Variants in CSF2RA observed in about 807,000 individuals in gnomAD.
CSF2RA encodes the protein granulocyte-macrophage colony-stimulating factor receptor subunit alpha.
Under a neutral mutation model 51.6 loss-of-function variants are expected in CSF2RA, and 42 were observed. That is an observed-to-expected ratio of 0.81 (90% CI 0.64 to 1.05). The LOEUF (loss-of-function observed/expected upper bound fraction) is 1.05. CSF2RA is among the 50% of genes least tolerant of loss of function. The pLI is 0.00. For synonymous variants in CSF2RA, 222 were observed against 193.0 expected (o/e 1.15, Z -1.24); for missense variants, 530 against 501.1 (o/e 1.06, Z -0.55).
At chrX:1,323,980 T>C in the CSF2RA span, among the ~76,000 whole-genome samples, 35 of 151,580 alleles carry the variant, frequency 2.3e-4, no homozygotes, top group Middle Eastern at 3.4e-3. Flanking sequence ...CCCCACTGCA[T>C]TCCAGCCTGG....
chrX:1,324,886 C>T, the CSF2RA span, among the ~76,000 whole-genome samples: 3 of 152,100 alleles, frequency 2.0e-5, no homozygotes, highest in South Asian at 4.1e-4. Flanking sequence ...AGTCTGACCT[C>T]CTTGTCAGAG....
At chrX:1,292,811 G>A (rs1382766903) in intron 7 of CSF2RA, among the ~76,000 whole-genome samples, 1 of 152,048 alleles carries the variant, frequency 6.6e-6, no homozygotes, top group South Asian at 2.1e-4. Flanking sequence ...TATCTCAACC[G>A]CGAGAGGACT....
At chrX:1,300,112 G>C (rs1233466652) in intron 9 of CSF2RA, 3 of 194,498 alleles carry the variant, frequency 1.5e-5, no homozygotes, top group Admixed American at 1.1e-4. Context: ...CCAACTACTG[G>C]GGAGGCTGAG....
the CSF2RA span, among the ~76,000 whole-genome samples, chrX:1,323,836 A>G: frequency 6.6e-6 from 1 of 151,736 alleles, no homozygotes; most frequent in Non-Finnish European, 1.5e-5. Flanking sequence ...AACACGGTGA[A>G]ACCCCGTCTC....
At chrX:1,269,636 A>G (rs2088092302) in intron 1 of CSF2RA, among the ~76,000 whole-genome samples, 2 of 42,152 alleles carry the variant, frequency 4.7e-5, no homozygotes. Flanking sequence ...AAAAAGAAAA[A>G]GAAAAAAAAA....
At chrX:1,279,365 T>TAA (rs1275948568) in intron 2 of CSF2RA, among the ~76,000 whole-genome samples, 10 of 143,868 alleles carry the variant, frequency 7.0e-5, no homozygotes, top group East Asian at 6.1e-4. Context: ...ATAATAATAA[T>TAA]TAATAATAAT....
intron 7 of CSF2RA, among the ~76,000 whole-genome samples, chrX:1,291,952 CAGA>C (rs1462933710): frequency 8.0e-6 from 1 of 124,598 alleles, no homozygotes; most frequent in Non-Finnish European, 1.8e-5. Flanking sequence ...CCAGTGTAGA[CAGA>C]AGGAGACCCT....
At chrX:1,305,296 A>G (rs2083446300) in intron 11 of CSF2RA, 150 bp from the exon 12 acceptor site, 1 of 892,040 alleles carries the variant, frequency 1.1e-6, no homozygotes, top group African/African-American at 1.7e-5. Flanking sequence ...CTAGTTCCTT[A>G]AGATTTTCGT....
chrX:1,280,847 T>TCTCCTCCTCCTCCTCCTC (rs1288485826), intron 2 of CSF2RA, among the ~76,000 whole-genome samples: 2 of 41,802 alleles, frequency 4.8e-5, no homozygotes, highest in East Asian at 1.5e-3. Context: ...TCCTCCTTCC[T>TCTCCTCCTCCTCCTCCTC]CTCCTTCTCC....
At chrX:1,286,580 A>T (rs1328600720) in intron 4 of CSF2RA, among the ~76,000 whole-genome samples, 3 of 152,246 alleles carry the variant, frequency 2.0e-5, no homozygotes, top group Non-Finnish European at 2.9e-5. Context: ...CAAAAAAAAA[A>T]AAAAATAATA....
the CSF2RA span, among the ~76,000 whole-genome samples, chrX:1,323,092 G>A: frequency 2.0e-5 from 3 of 150,132 alleles, no homozygotes; most frequent in East Asian, 2.0e-4. Context: ...TCGCGCCACC[G>A]CACTCCAGCC....
At chrX:1,323,158 T>TATAAAATAAAAAAATAAAATAAAATAAA in the CSF2RA span, among the ~76,000 whole-genome samples, 1 of 134,022 alleles carries the variant, frequency 7.5e-6, no homozygotes, top group East Asian at 2.1e-4. Context: ...ACATTACAAT[T>TATAAAATAAAAAAATAAAATAAAATAAA]ATAAAATAAA....
intron 9 of CSF2RA, 90 bp from the exon 10 acceptor site, chrX:1,300,401 A>G: frequency 1.3e-6 from 2 of 1,481,856 alleles, no homozygotes; most frequent in South Asian, 2.4e-5. Flanking sequence ...GAAAAGGAGA[A>G]AAAAACTTAA....
the CSF2RA span, among the ~76,000 whole-genome samples, chrX:1,321,766 A>G: frequency 1.3e-5 from 2 of 152,172 alleles, no homozygotes; most frequent in African/African-American, 4.8e-5. Flanking sequence ...CGTAGCTGAG[A>G]ACGTCCACAT....
the CSF2RA span, among the ~76,000 whole-genome samples, chrX:1,318,513 C>T: frequency 6.6e-6 from 1 of 151,958 alleles, no homozygotes; most frequent in Non-Finnish European, 1.5e-5. Context: ...ACCTTCTCCT[C>T]TTACCCCCAG....
Position 1,309,412 on chromosome X carries a change from A to G in CSF2RA, c.1136A>G (p.Glu379Gly). 2 of 1,613,892 alleles carry G rather than the reference A, an allele frequency of 1.2e-6. No homozygotes were observed. The highest frequency in any genetic ancestry group is 1.7e-6 in the Non-Finnish European group (2 of 1,179,822). Residue 379 changes from glutamate to glycine, a missense_variant, in exon 13 of 13, where the codon GAG (glutamate) becomes GGG (glycine). Physicochemically the swap from Glu to Gly is moderately conservative, Grantham distance 98. Transcript: ENST00000381529. ...CCTCCTTTTTCTCAGATCATCTGGG[A>G]GGAATTCACCCCAGAGGAAGGGAAA... ...NHEVEDEIIW[E>G]EFTPEEGKGY...
intron 12 of CSF2RA, chrX:1,305,839 G>A: frequency 7.3e-6 from 11 of 1,504,782 alleles, no homozygotes; most frequent in Non-Finnish European, 9.9e-6. Context: ...CCAGCACTTT[G>A]GGAGGTTGAG....
At chrX:1,282,573 C>G in intron 2 of CSF2RA, 105 bp from the exon 3 acceptor site, 1 of 844,690 alleles carries the variant, frequency 1.2e-6, no homozygotes, top group East Asian at 2.4e-5. Context: ...CAGCGGCTGA[C>G]CACCATCCTG....
At chrX:1,295,704 C>A in intron 9 of CSF2RA, 1 of 682,634 alleles carries the variant, frequency 1.5e-6, no homozygotes, top group Non-Finnish European at 2.6e-6. Flanking sequence ...ACTCACCACA[C>A]CTAGTGTAAG....
Sources: gnomAD v4.1 joint callset for allele counts (sites outside exome capture counted in the v4.1 genomes callset) on GRCh38, gnomAD v4.1.1 for gene constraint, MANE v1.5 for transcripts, NCBI Gene and HGNC (gene_info 2026-07-23, HGNC 2026-07-21) for gene names.